Variants in IL3RA observed in about 807,000 individuals in gnomAD.
The protein encoded by IL3RA is interleukin-3 receptor subunit alpha.
IL3RA carries 73 observed loss-of-function variants against 52.3 expected under a neutral mutation model. That is an observed-to-expected ratio of 1.40 (90% CI 1.16 to 1.70). The LOEUF is 1.70. IL3RA is among the 40% of genes most tolerant of loss of function. IL3RA has a pLI of 0.00. For missense variants in IL3RA, 664 were observed against 504.4 expected (o/e 1.32, Z -3.03); for synonymous variants, 260 against 194.0 (o/e 1.34, Z -2.83).
chrX:1,347,891 G>A (rs1435775652), intron 3 of IL3RA, among the ~76,000 whole-genome samples: 1 of 150,884 alleles, frequency 6.6e-6, no homozygotes, highest in Non-Finnish European at 1.5e-5. Context: ...ATAAAAATTA[G>A]CCGGGCGTGG....
rs1465454166 is a variant in IL3RA at position 1,370,240 on chromosome X, C to T, written c.874+4988C>T. On this transcript the variant is annotated intron_variant, in intron 9 of 11. Transcript: ENST00000331035. The stretch of plus-strand genomic sequence containing the variant: ...ATCAGTGTTTTGTTTCTAAGCCGCC[C>T]AGCCTCTGGTATTCTGTGACAGCAG... Among the ~76,000 whole-genome samples, 2 of 42,628 alleles carry T rather than the reference C, an allele frequency of 4.7e-5. 1 individual carries two copies. Among genetic ancestry groups the T allele is most frequent in the African/African-American group, 7.8e-4 (2 of 2,552 alleles). 28.0% of individuals were successfully genotyped at this position (42,628 alleles called of 152,430 possible).
At chrX:1,345,742 G>A (rs1473738956) in intron 3 of IL3RA, among the ~76,000 whole-genome samples, 5 of 151,792 alleles carry the variant, frequency 3.3e-5, no homozygotes, top group South Asian at 2.1e-4. Flanking sequence ...TGCCCGCCTC[G>A]GCCTCCCAAA....
rs763611837 is a variant in IL3RA, at chrX:1,345,370, C to T, written c.119C>T (p.Thr40Ile). 5.6e-6 allele frequency: 9 copies of T among 1,611,208 alleles called. No individual in the cohort carries two copies. In the East Asian group the frequency reaches 1.8e-4, roughly 32 times the overall value. The change falls in exon 3 of 12, where the codon ACC (threonine) becomes ATC (isoleucine). Residue 40 changes from threonine (T) to isoleucine (I), a missense_variant. Thr to Ile is a moderately conservative substitution (Grantham distance 89, BLOSUM62 -1). Transcript: ENST00000331035. ...ATGAAAGCAAAGGCTCAGCAGTTGA[C>T]CTGGGACCTTAACAGAAATGTGACC... The part of the protein sequence containing the change: ...LRMKAKAQQL[T>I]WDLNRNVTDI...
In IL3RA at chrX:1,382,424, G is replaced by T; in HGVS notation, c.1096G>T (p.Glu366Ter). Reference sequence around the variant, plus strand: ...GGAGGCGGGCAAAGCCGGCCTGGAGGAGTGTCTGGTGACTGAAGTACAGGT... The same window carrying T: ...GGAGGCGGGCAAAGCCGGCCTGGAGTAGTGTCTGGTGACTGAAGTACAGGT... Reference protein sequence around the residue: ...VWEAGKAGLEECLVTEVQVVQ... With the variant: ...VWEAGKAGLE The change falls in exon 12 of 12, where the codon GAG becomes TAG. Residue 366 changes from glutamate to a stop codon, truncating the protein, a stop_gained. Coordinates refer to ENST00000331035, the MANE Select transcript of IL3RA (RefSeq NM_002183.4). LOFTEE classifies it high-confidence loss of function. 6.2e-7 allele frequency: 1 copy of T among 1,613,854 alleles called. No homozygotes were observed. Among genetic ancestry groups the T allele is most frequent in the Non-Finnish European group, 8.5e-7 (1 of 1,179,774 alleles).
Position 1,365,280 on chromosome X carries a change from G to T in IL3RA, c.874+28G>T, listed in dbSNP as rs2087849121. On this transcript the variant is annotated intron_variant, in intron 9 of 11. Coordinates refer to ENST00000331035, the MANE Select transcript of IL3RA (RefSeq NM_002183.4). ...GAGTGGGCTGTGCGGGGTGCGCGGG[G>T]TGAGCGGGGTGAGCGGGGTGCGCGG... The T allele has an allele frequency of 2.1e-6, 3 of 1,415,274 alleles. No individual in the cohort carries two copies. In the Admixed American group the frequency reaches 5.2e-5, roughly 25 times the overall value. The allele number at this position is 1,415,274 out of a possible 1,614,324, so 87.7% of individuals were successfully genotyped here.
intron 9 of IL3RA, among the ~76,000 whole-genome samples, chrX:1,377,114 C>T (rs1467938302): frequency 1.9e-4 from 29 of 151,796 alleles, no homozygotes; most frequent in Admixed American, 1.2e-3. Context: ...ACGGAGAAGA[C>T]GGGGTCTCCA....
chrX:1,382,333 C>CGT (rs1207695654), intron 11 of IL3RA, 58 bp from the exon 12 acceptor site: 1 of 1,338,674 alleles, frequency 7.5e-7, no homozygotes, highest in Non-Finnish European at 1.1e-6. Context: ...CAGATCAGGA[C>CGT]GTGGGCTCTG....
chrX:1,356,346 C>A lies in IL3RA; in HGVS notation c.732+10C>A. The A allele has an allele frequency of 6.4e-7, 1 of 1,574,120 alleles. No homozygotes were observed. Among genetic ancestry groups the A allele is most frequent in the Non-Finnish European group, 8.7e-7 (1 of 1,144,548 alleles). On this transcript the variant is annotated intron_variant, in intron 7 of 11. Transcript: ENST00000331035. ...GCTTCAGATACAAAAGGTAAACTTT[C>A]ACCCCGCCCCCAGCCCCCCCACCCC... is the stretch of plus-strand genomic sequence containing the variant.
chrX:1,356,485 A>AAAG, intron 7 of IL3RA, 149 bp downstream of exon 7: 1 of 621,276 alleles, frequency 1.6e-6, no homozygotes, highest in Non-Finnish European at 2.9e-6. Flanking sequence ...AACAAAAACA[A>AAAG]AAGGCCGGGC....
At chrX:1,347,562 T>A (rs1429569108) in intron 3 of IL3RA, among the ~76,000 whole-genome samples, 2 of 150,988 alleles carry the variant, frequency 1.3e-5, no homozygotes, top group Non-Finnish European at 2.9e-5. Flanking sequence ...GAGGTTGCAG[T>A]GAGCTGAGAT....
chrX:1,367,590 A>C (rs1330433482), intron 9 of IL3RA, among the ~76,000 whole-genome samples: 11 of 61,752 alleles, frequency 1.8e-4, no homozygotes, highest in Admixed American at 5.5e-4. Flanking sequence ...GAGCGGGGTG[A>C]GCCGGGTGCG....
At chrX:1,342,781 G>A (rs1221840686) in intron 2 of IL3RA, among the ~76,000 whole-genome samples, 13 of 150,476 alleles carry the variant, frequency 8.6e-5, no homozygotes, top group Non-Finnish European at 1.9e-4. Context: ...GGATGGTCTC[G>A]ATCTCCTGAC....
At position 1,365,161 on chromosome X, in the gene IL3RA, G is replaced by C; in HGVS notation, c.783G>C (p.Gln261His). ...AGGTCAGAGACAGAACCTCCTTCCA[G>C]CTACTCAATCCTGGAACGTACACAG... ...TEQVRDRTSF[Q>H]LLNPGTYTVQ... is the part of the protein sequence containing the mutation. The change falls in exon 9 of 12, where the codon CAG (glutamine) becomes CAC (histidine). Residue 261 changes from glutamine (Q) to histidine (H), a missense_variant. Coordinates refer to ENST00000331035, the MANE Select transcript of IL3RA (RefSeq NM_002183.4). The C allele has an allele frequency of 3.1e-6, 5 of 1,610,568 alleles. No homozygotes were observed. Among genetic ancestry groups the C allele is most frequent in the Non-Finnish European group, 3.4e-6 (4 of 1,178,396 alleles).
chrX:1,368,067 G>C (rs1478569635), intron 9 of IL3RA, among the ~76,000 whole-genome samples: 1 of 152,022 alleles, frequency 6.6e-6, no homozygotes, highest in Non-Finnish European at 1.5e-5. Context: ...AGACCATCCC[G>C]GCTAACACGG....
At position 1,349,991 on chromosome X, in the gene IL3RA, G is replaced by T. The variant is rs1165570262; in HGVS notation, c.298+1446G>T. 2.6e-5 allele frequency among the ~76,000 whole-genome samples: 4 copies of T among 152,110 alleles called. No homozygotes were observed. In the South Asian group the frequency reaches 8.3e-4, roughly 32 times the overall value. On this transcript the variant is annotated intron_variant, in intron 4 of 11. Coordinates refer to ENST00000331035, the MANE Select transcript of IL3RA (RefSeq NM_002183.4). ...TTTAAGTTTAATGGATTTCCAGGGA[G>T]TTATGCCGAGTCGGAAAAAAAAGAC...
rs1356881222 is a variant in IL3RA at position 1,382,595 on chromosome X, A to G, written c.*130A>G. The G allele has an allele frequency of 2.5e-6, 2 of 798,228 alleles. No individual in the cohort carries two copies. The highest frequency in any genetic ancestry group is 4.4e-6 in the Non-Finnish European group (2 of 457,864). 49.4% of individuals were successfully genotyped at this position (798,228 alleles called of 1,614,324 possible). On this transcript the variant is annotated 3_prime_UTR_variant, in exon 12 of 12. Transcript: ENST00000331035. The stretch of plus-strand genomic sequence containing the variant: ...ATTCCTAACGGGTGGTGGGCATGGG[A>G]GATGCCTGTGTAATTTCGTCCGAAG...
intron 4 of IL3RA, among the ~76,000 whole-genome samples, chrX:1,351,037 T>C (rs1344644673): frequency 1.3e-5 from 2 of 151,744 alleles, no homozygotes; most frequent in Non-Finnish European, 2.9e-5. Flanking sequence ...TGAAACCCCA[T>C]CTCTACTAAA....
intron 7 of IL3RA, among the ~76,000 whole-genome samples, 155 bp downstream of exon 7, chrX:1,356,491 C>CG (rs1248839403): frequency 4.6e-5 from 7 of 150,930 alleles, no homozygotes; most frequent in Non-Finnish European, 1.0e-4. Flanking sequence ...AACAAAAGGC[C>CG]GGGCGCTGTG....
chrX:1,337,167 A>C (rs1300272818), intron 1 of IL3RA, among the ~76,000 whole-genome samples: 2 of 152,224 alleles, frequency 1.3e-5, no homozygotes, highest in Non-Finnish European at 2.9e-5. Flanking sequence ...CCATCATAGC[A>C]TGTTAGATGC....
Sources: allele counts gnomAD v4.1 joint callset (sites outside exome capture counted in the v4.1 genomes callset), GRCh38; gene constraint gnomAD v4.1.1; transcripts MANE v1.5; gene names NCBI Gene and HGNC (gene_info 2026-07-23, HGNC 2026-07-21).